STK10: variants seen among roughly 807,000 people sequenced by gnomAD.
The protein encoded by STK10 is serine/threonine kinase 10.
In STK10, 78 loss-of-function variants were observed where a neutral mutation model predicts 113.8. That is an observed-to-expected ratio of 0.69 (90% confidence interval 0.57 to 0.83). The LOEUF (loss-of-function observed/expected upper bound fraction) is 0.83. Ranked by LOEUF, STK10 falls within the 40% of genes least tolerant of loss-of-function variation. STK10 has a pLI of 0.00. For missense variants in STK10, 1,109 were observed against 1,280.1 expected (o/e 0.87, Z 2.04); for synonymous variants, 465 against 494.7 (o/e 0.94, Z 0.80).
At chr5:172,121,410 G>A (rs1769506945) in intron 3 of STK10, among the ~76,000 whole-genome samples, 1 of 152,016 alleles carries the variant, frequency 6.6e-6, no homozygotes, top group African/African-American at 2.4e-5. Flanking sequence ...GTGGATCACG[G>A]CCCACTGCAG....
intron 1 of STK10, among the ~76,000 whole-genome samples, chr5:172,158,393 G>C (rs56364703): frequency 0.32 from 48,147 of 151,966 alleles, 9,166 homozygotes; most frequent in African/African-American, 0.54. Flanking sequence ...TTTGGGAGGC[G>C]GAGGCAGGCA....
intron 10 of STK10, among the ~76,000 whole-genome samples, chr5:172,087,204 C>T (rs570351957): frequency 1.0e-4 from 15 of 149,424 alleles, no homozygotes; most frequent in Non-Finnish European, 1.9e-4. Flanking sequence ...CCTCTGTCTC[C>T]TAGAGGGAGA....
chr5:172,057,565 C>T, intron 14 of STK10, 92 bp from the exon 15 acceptor site: 1 of 1,489,172 alleles, frequency 6.7e-7, no homozygotes, highest in Non-Finnish European at 9.0e-7. Flanking sequence ...CCTCCTCATG[C>T]TGGAGATGAT....
intron 4 of STK10, among the ~76,000 whole-genome samples, chr5:172,110,495 G>A (rs892366008): frequency 6.6e-6 from 1 of 152,196 alleles, no homozygotes; most frequent in African/African-American, 2.4e-5. Flanking sequence ...AGAAGGCAGG[G>A]AGAAGAACAC....
chr5:172,106,401 CA>C (rs368671444), intron 6 of STK10, among the ~76,000 whole-genome samples: 589 of 53,456 alleles, frequency 0.011, 26 homozygotes, highest in African/African-American at 0.028. Context: ...GACCCTATCT[CA>C]AAAAAAAAAA....
At chr5:172,160,215 T>C (rs1242741235) in intron 1 of STK10, among the ~76,000 whole-genome samples, 1 of 151,908 alleles carries the variant, frequency 6.6e-6, no homozygotes, top group Non-Finnish European at 1.5e-5. Context: ...GGTTCATGCC[T>C]GTAATCCCAG....
At chr5:172,175,294 G>A (rs1258899868) in intron 1 of STK10, among the ~76,000 whole-genome samples, 2 of 152,052 alleles carry the variant, frequency 1.3e-5, no homozygotes, top group East Asian at 1.9e-4. Context: ...TGAAAAAATC[G>A]GTAAGCTATG....
chr5:172,173,314 C>G (rs1770694628), intron 1 of STK10, among the ~76,000 whole-genome samples: 1 of 152,178 alleles, frequency 6.6e-6, no homozygotes, highest in Non-Finnish European at 1.5e-5. Context: ...TCAGGGCTGA[C>G]CAGGGAGGTT....
chr5:172,076,497 G>GTTAGTTGTGGGGGCGTCCTGTGCA (rs1561797199), intron 12 of STK10, among the ~76,000 whole-genome samples: 3 of 89,716 alleles, frequency 3.3e-5, no homozygotes, highest in African/African-American at 2.1e-4. Context: ...CGTCCTGTGC[G>GTTAGTTGTGGGGGCGTCCTGTGCA]TTAGTTGTGG....
chr5:172,045,276 C>T (rs962836850), intron 18 of STK10: 16 of 609,678 alleles, frequency 2.6e-5, no homozygotes, highest in Admixed American at 5.0e-5. Flanking sequence ...TCAATCTAGA[C>T]GGGGCAGGGA....
Position 172,106,683 on chromosome 5 carries a change from G to C in STK10, c.725C>G (p.Pro242Arg). 1 of 1,613,986 alleles carries C rather than the reference G, an allele frequency of 6.2e-7. No homozygotes were observed. The highest frequency in any genetic ancestry group is 8.5e-7 in the Non-Finnish European group (1 of 1,180,030). Reference protein sequence around the residue: ...QIEPPHHELNPMRVLLKIAKS... With the variant: ...QIEPPHHELNRMRVLLKIAKS... ...GGCGATCTTTAGCAGGACCCGCATG[G>C]GGTTGAGCTCGTGGTGTGGCGGCTC... The change falls in exon 6 of 19, where the codon CCC becomes CGC. Residue 242 changes from proline (P) to arginine (R), a missense_variant. Pro to Arg is a moderately radical substitution (Grantham distance 103). This residue lies in a region of STK10 where 885 missense variants were observed against 991.1 expected (regional missense o/e 0.89). Coordinates refer to ENST00000176763, the MANE Select transcript of STK10 (RefSeq NM_005990.4).
chr5:172,087,106 C>T (rs1768578888), intron 10 of STK10, among the ~76,000 whole-genome samples: 1 of 79,378 alleles, frequency 1.3e-5, no homozygotes, highest in African/African-American at 6.3e-5. Context: ...CAGATGACAC[C>T]AGTGTGTGTG....
At chr5:172,048,440 C>CACACACACACACAG (rs1401786804) in intron 18 of STK10, among the ~76,000 whole-genome samples, 1 of 151,718 alleles carries the variant, frequency 6.6e-6, no homozygotes, top group Non-Finnish European at 1.5e-5. Flanking sequence ...CACACACACA[C>CACACACACACACAG]ACACACACAC....
intron 18 of STK10, chr5:172,045,396 CAGA>C (rs1767475055): frequency 2.1e-6 from 1 of 478,432 alleles, no homozygotes; most frequent in East Asian, 6.3e-5. Flanking sequence ...GCAGAGATGT[CAGA>C]AGTTTTTTTT....
chr5:172,141,452 G>A (rs1022166473), intron 2 of STK10, among the ~76,000 whole-genome samples: 3 of 151,902 alleles, frequency 2.0e-5, no homozygotes, highest in East Asian at 1.9e-4. Flanking sequence ...ATAGTGGTGC[G>A]TGCCTGTGGT....
chr5:172,122,398 A>G (rs900238085), intron 3 of STK10, among the ~76,000 whole-genome samples: 9 of 152,006 alleles, frequency 5.9e-5, no homozygotes, highest in African/African-American at 1.7e-4. Context: ...TTCTGTGCCT[A>G]TAGTCTTGCC....
chr5:172,153,448 C>T (rs771882357), intron 2 of STK10, among the ~76,000 whole-genome samples: 13 of 152,106 alleles, frequency 8.5e-5, no homozygotes, highest in Non-Finnish European at 1.3e-4. Flanking sequence ...GAAGCACAGA[C>T]GGATTTTGCC....
chr5:172,052,000 A>C (rs1767639520), intron 18 of STK10, among the ~76,000 whole-genome samples: 1 of 152,196 alleles, frequency 6.6e-6, no homozygotes, highest in Admixed American at 6.5e-5. Flanking sequence ...GGCACCATTC[A>C]AAAATGACCC....
chr5:172,157,958 A>T (rs1413674831), intron 1 of STK10, among the ~76,000 whole-genome samples: 2 of 152,186 alleles, frequency 1.3e-5, no homozygotes, highest in African/African-American at 4.8e-5. Context: ...CCACGCACTA[A>T]CAGTAGAATG....
Sources: allele counts gnomAD v4.1 joint callset (sites outside exome capture counted in the v4.1 genomes callset), GRCh38; gene constraint gnomAD v4.1.1; regional missense constraint gnomAD v4.1.1; transcripts MANE v1.5; gene names NCBI Gene and HGNC (gene_info 2026-07-23, HGNC 2026-07-21).